Variants in ACACA observed in about 807,000 individuals in gnomAD.
ACACA encodes acetyl-CoA carboxylase alpha.
In ACACA, 103 loss-of-function variants were observed where a neutral mutation model predicts 296.1. That is an observed-to-expected ratio of 0.35 (90% confidence interval 0.30 to 0.41). The LOEUF is 0.41. ACACA is among the 10% of genes least tolerant of loss of function. The pLI, the probability that ACACA is intolerant of heterozygous loss-of-function variation, is 1.00. For missense variants in ACACA, 1,554 were observed against 2,989.7 expected, an observed-to-expected ratio of 0.52 and a Z score of 11.20; for synonymous variants, 953 against 1,038.6, an observed-to-expected ratio of 0.92 and a Z score of 1.58.
At chr17:37,118,247 C>G (rs1275552853) in intron 50 of ACACA, among the ~76,000 whole-genome samples, 3 of 152,046 alleles carry the variant, frequency 2.0e-5, no homozygotes, top group Non-Finnish European at 4.4e-5. Flanking sequence ...TCATTTCAGA[C>G]CAAGGGCAGC....
chr17:37,311,404 G>T (rs1598457811), intron 3 of ACACA, among the ~76,000 whole-genome samples: 1 of 140,034 alleles, frequency 7.1e-6, no homozygotes, highest in Non-Finnish European at 1.5e-5. Context: ...GCATTGTTCT[G>T]GGTTACAAAA....
intron 3 of ACACA, among the ~76,000 whole-genome samples, chr17:37,324,199 T>G (rs2047481019): frequency 6.6e-6 from 1 of 152,030 alleles, no homozygotes; most frequent in Admixed American, 6.6e-5. Context: ...AAACCCCATC[T>G]CTACTACAAA....
intron 1 of ACACA, among the ~76,000 whole-genome samples, chr17:37,399,821 A>G (rs1346982156): frequency 6.6e-6 from 1 of 152,150 alleles, no homozygotes; most frequent in African/African-American, 2.4e-5. Context: ...TATTAGTTAT[A>G]TTTGGACAGA....
At chr17:37,154,575 C>A (rs927766702) in intron 43 of ACACA, among the ~76,000 whole-genome samples, 1 of 152,018 alleles carries the variant, frequency 6.6e-6, no homozygotes, top group Non-Finnish European at 1.5e-5. Context: ...CGGCTCACTG[C>A]AACCTCTACC....
chr17:37,208,134 G>A (rs1456528320), intron 30 of ACACA, among the ~76,000 whole-genome samples: 1 of 152,130 alleles, frequency 6.6e-6, no homozygotes, highest in Non-Finnish European at 1.5e-5. Flanking sequence ...AAACCATCCT[G>A]CATCTTCCCC....
chr17:37,127,431 T>TA (rs1367490342), intron 47 of ACACA, among the ~76,000 whole-genome samples: 12 of 152,182 alleles, frequency 7.9e-5, no homozygotes, highest in Non-Finnish European at 1.6e-4. Flanking sequence ...GAGTAGATCC[T>TA]ACCCAGTTCC....
intron 1 of ACACA, among the ~76,000 whole-genome samples, chr17:37,396,889 A>C (rs1469051359): frequency 1.3e-5 from 2 of 152,074 alleles, no homozygotes; most frequent in Admixed American, 1.3e-4. Context: ...TATTAGTAAT[A>C]GTAGTAGTAG....
intron 54 of ACACA, among the ~76,000 whole-genome samples, chr17:37,094,039 A>G (rs973861024): frequency 1.3e-5 from 2 of 152,178 alleles, no homozygotes; most frequent in African/African-American, 4.8e-5. Context: ...TGTTTGAAAA[A>G]CCAGGCTTCA....
intron 52 of ACACA, among the ~76,000 whole-genome samples, chr17:37,104,669 C>T (rs965129082): frequency 2.0e-5 from 3 of 152,170 alleles, no homozygotes; most frequent in Non-Finnish European, 4.4e-5. Flanking sequence ...AGGCTGGACA[C>T]GGTGGGTCAT....
At chr17:37,308,756 G>A (rs928449413) in intron 3 of ACACA, among the ~76,000 whole-genome samples, 11 of 152,070 alleles carry the variant, frequency 7.2e-5, no homozygotes, top group Non-Finnish European at 1.5e-4. Flanking sequence ...TGGGTAATAT[G>A]GTGAAACACT....
chr17:37,124,671 A>G (rs1161056584), intron 48 of ACACA, among the ~76,000 whole-genome samples: 1 of 152,142 alleles, frequency 6.6e-6, no homozygotes, highest in Non-Finnish European at 1.5e-5. Context: ...GAGATAAAAG[A>G]CCTGAGACTT....
At chr17:37,121,161 A>G (rs2074509462) in intron 50 of ACACA, among the ~76,000 whole-genome samples, 194 bp downstream of exon 50, 1 of 152,222 alleles carries the variant, frequency 6.6e-6, no homozygotes, top group African/African-American at 2.4e-5. Flanking sequence ...TTATTCTGAA[A>G]TTCTGTATGG....
At chr17:37,256,857 C>G (rs960307928) in intron 14 of ACACA, among the ~76,000 whole-genome samples, 42 of 152,008 alleles carry the variant, frequency 2.8e-4, no homozygotes, top group Middle Eastern at 3.4e-3. Context: ...GTAATTAATA[C>G]TAATAAACAC....
intron 1 of ACACA, among the ~76,000 whole-genome samples, chr17:37,383,703 C>T (rs1172932952): frequency 6.6e-6 from 1 of 152,104 alleles, no homozygotes; most frequent in Non-Finnish European, 1.5e-5. Flanking sequence ...CCACCATGCC[C>T]AGCTAATTTT....
chr17:37,147,071 C>G (rs2075842458), intron 45 of ACACA, among the ~76,000 whole-genome samples: 1 of 152,008 alleles, frequency 6.6e-6, no homozygotes, highest in South Asian at 2.1e-4. Context: ...CCTACAACCT[C>G]TGAACACCCC....
At chr17:37,334,588 T>C (rs2048026225) in intron 2 of ACACA, among the ~76,000 whole-genome samples, 1 of 152,000 alleles carries the variant, frequency 6.6e-6, no homozygotes, top group South Asian at 2.1e-4. Flanking sequence ...ATGCTAGCTA[T>C]TCCTGTGAAC....
intron 35 of ACACA, among the ~76,000 whole-genome samples, chr17:37,195,049 T>C (rs2077930049): frequency 6.6e-6 from 1 of 152,128 alleles, no homozygotes; most frequent in Admixed American, 6.5e-5. Context: ...AACCTAGTTT[T>C]GGTTTTATTC....
At chr17:37,175,412 C>T (rs2077073943) in intron 41 of ACACA, among the ~76,000 whole-genome samples, 1 of 152,196 alleles carries the variant, frequency 6.6e-6, no homozygotes, top group Admixed American at 6.5e-5. Flanking sequence ...TTATAGCTTC[C>T]ACCAAAAGAT....
intron 27 of ACACA, among the ~76,000 whole-genome samples, chr17:37,224,195 C>G (rs1334364727): frequency 2.6e-5 from 4 of 152,188 alleles, no homozygotes; most frequent in Non-Finnish European, 5.9e-5. Context: ...GAGTGAGACT[C>G]TGTCTCAGAA....
Sources: gnomAD v4.1 joint callset for allele counts (sites outside exome capture counted in the v4.1 genomes callset) on GRCh38, gnomAD v4.1.1 for gene constraint, MANE v1.5 for transcripts, NCBI Gene and HGNC (gene_info 2026-07-23, HGNC 2026-07-21) for gene names.